The following AGBL4 variants were observed in gnomAD, a reference collection of about 807,000 sequenced individuals.
The protein encoded by AGBL4 is AGBL carboxypeptidase 4.
AGBL4 carries 58 observed loss-of-function variants against 66.4 expected under a neutral mutation model. The ratio of observed to expected loss-of-function variants is 0.87; its 90% CI spans 0.71 to 1.09. The LOEUF is 1.09. AGBL4 is among the 50% of genes least tolerant of loss of function. The pLI is 0.00. For missense variants in AGBL4, 579 were observed against 631.0 expected (o/e 0.92, Z 0.88); for synonymous variants, 234 against 222.9 (o/e 1.05, Z -0.44).
intron 3 of AGBL4, among the ~76,000 whole-genome samples, chr1:49,387,565 T>C (rs2148586506): frequency 6.6e-6 from 1 of 152,076 alleles, no homozygotes; most frequent in African/African-American, 2.4e-5. Context: ...ATACCCAAAC[T>C]GAAAAAGGTT....
At chr1:48,715,846 A>T (rs1647041592) in intron 6 of AGBL4, among the ~76,000 whole-genome samples, 1 of 152,210 alleles carries the variant, frequency 6.6e-6, no homozygotes, top group South Asian at 2.1e-4. Context: ...TTGGTTATTA[A>T]ATTTAATCAC....
chr1:48,854,464 A>G (rs1228135553), intron 6 of AGBL4, among the ~76,000 whole-genome samples: 3 of 152,176 alleles, frequency 2.0e-5, no homozygotes, highest in Non-Finnish European at 4.4e-5. Flanking sequence ...TGGAGCCTCT[A>G]GTAGCCTTAA....
intron 5 of AGBL4, among the ~76,000 whole-genome samples, chr1:48,925,184 G>A (rs1368242372): frequency 1.3e-5 from 2 of 151,710 alleles, no homozygotes; most frequent in Non-Finnish European, 2.9e-5. Flanking sequence ...ATATGTGTGT[G>A]TGTGTACAGT....
chr1:49,130,384 T>C (rs983032607), intron 4 of AGBL4, among the ~76,000 whole-genome samples: 4 of 152,230 alleles, frequency 2.6e-5, no homozygotes, highest in African/African-American at 9.6e-5. Context: ...ATGAAGTCCT[T>C]GCCCATGCCT....
At chr1:49,189,641 A>C (rs1203783219) in intron 4 of AGBL4, among the ~76,000 whole-genome samples, 2 of 152,192 alleles carry the variant, frequency 1.3e-5, no homozygotes, top group Admixed American at 1.3e-4. Context: ...AAAAAGAGAA[A>C]AATACATCCT....
intron 2 of AGBL4, among the ~76,000 whole-genome samples, chr1:49,743,718 A>C (rs1173780759): frequency 6.6e-6 from 1 of 152,046 alleles, no homozygotes. Flanking sequence ...GAATACTATG[A>C]AGCCATAAAA....
intron 4 of AGBL4, among the ~76,000 whole-genome samples, chr1:49,143,847 C>A (rs1569809689): frequency 6.6e-6 from 1 of 152,186 alleles, no homozygotes; most frequent in East Asian, 1.9e-4. Context: ...ATCATTTTCC[C>A]AGCAGTGACT....
chr1:49,625,533 A>G (rs1314577083), intron 3 of AGBL4, among the ~76,000 whole-genome samples: 1 of 152,186 alleles, frequency 6.6e-6, no homozygotes, highest in Non-Finnish European at 1.5e-5. Context: ...TTGGCTTATC[A>G]AAGAAGCACA....
chr1:49,770,713 T>G (rs1644032408), intron 2 of AGBL4, among the ~76,000 whole-genome samples: 1 of 152,190 alleles, frequency 6.6e-6, no homozygotes, highest in Admixed American at 6.5e-5. Flanking sequence ...TGTTCAGATT[T>G]TCTATTTTTT....
At chr1:49,746,742 C>T (rs1651016391) in intron 2 of AGBL4, among the ~76,000 whole-genome samples, 1 of 152,004 alleles carries the variant, frequency 6.6e-6, no homozygotes, top group South Asian at 2.1e-4. Context: ...TCAATTCTTA[C>T]TAGATCCTTT....
rs567878134 is a variant in AGBL4 at position 48,701,520 on chromosome 1, G to T, written c.635-38279C>A. On this transcript the variant is annotated intron_variant, in intron 6 of 13. Coordinates refer to ENST00000371839, the MANE Select transcript of AGBL4 (RefSeq NM_032785.4). ...TGTATTTCCCAGGCTGGAGTGCAGTGGCTGTTCACAGGTGCCATCATGGCG... is the reference window on the plus strand; with the variant it reads ...TGTATTTCCCAGGCTGGAGTGCAGTTGCTGTTCACAGGTGCCATCATGGCG... Among the ~76,000 whole-genome samples the T allele has an allele frequency of 1.8e-3, 267 of 151,094 alleles. 2 individuals carry two copies. Among genetic ancestry groups the T allele is most frequent in the African/African-American group, 6.2e-3 (256 of 41,038 alleles).
At chr1:49,237,108 A>AG (rs902296848) in intron 4 of AGBL4, among the ~76,000 whole-genome samples, 1 of 151,766 alleles carries the variant, frequency 6.6e-6, no homozygotes, top group African/African-American at 2.4e-5. Context: ...ACAAAAAAAA[A>AG]AAAAATTAGC....
At chr1:48,877,316 A>C (rs1369888875) in intron 5 of AGBL4, among the ~76,000 whole-genome samples, 3 of 152,128 alleles carry the variant, frequency 2.0e-5, no homozygotes, top group African/African-American at 4.8e-5. Context: ...AGCTGTTTTA[A>C]CTGAAGATTT....
chr1:48,969,662 T>C (rs1341815321), intron 5 of AGBL4, among the ~76,000 whole-genome samples: 1 of 152,058 alleles, frequency 6.6e-6, no homozygotes, highest in African/African-American at 2.4e-5. Context: ...TAGGAAAATA[T>C]ACCCTTCCTT....
intron 6 of AGBL4, among the ~76,000 whole-genome samples, chr1:48,804,433 G>A (rs1325463601): frequency 2.6e-5 from 4 of 152,172 alleles, no homozygotes; most frequent in African/African-American, 9.7e-5. Flanking sequence ...TCAAAGAAAT[G>A]TTCCAAGGTT....
At chr1:48,904,680 A>G (rs1412701128) in intron 5 of AGBL4, among the ~76,000 whole-genome samples, 1 of 152,204 alleles carries the variant, frequency 6.6e-6, no homozygotes, top group Non-Finnish European at 1.5e-5. Context: ...CTCTGGAGTG[A>G]TTGTGAGGAT....
At chr1:49,407,172 T>G (rs1475330069) in intron 3 of AGBL4, among the ~76,000 whole-genome samples, 2 of 152,084 alleles carry the variant, frequency 1.3e-5, no homozygotes, top group Non-Finnish European at 2.9e-5. Context: ...TGGATAAGAT[T>G]GATATCTAAG....
intron 4 of AGBL4, among the ~76,000 whole-genome samples, chr1:49,200,108 CA>C (rs1416191938): frequency 1.3e-5 from 2 of 152,122 alleles, no homozygotes; most frequent in African/African-American, 4.8e-5. Flanking sequence ...GGCATGAAAA[CA>C]AGGCAGGCAG....
At chr1:49,838,793 A>G (rs1645916331) in intron 2 of AGBL4, among the ~76,000 whole-genome samples, 1 of 152,216 alleles carries the variant, frequency 6.6e-6, no homozygotes, top group African/African-American at 2.4e-5. Context: ...CTTAGAATTT[A>G]CACTAATACA....
Sources: allele counts gnomAD v4.1 joint callset (sites outside exome capture counted in the v4.1 genomes callset), GRCh38; gene constraint gnomAD v4.1.1; transcripts MANE v1.5; gene names NCBI Gene and HGNC (gene_info 2026-07-23, HGNC 2026-07-21).